Variants in ANKRD29 observed in about 807,000 individuals in gnomAD.
ANKRD29 encodes ankyrin repeat domain 29, also known as ankyrin repeat domain-containing protein 29.
In ANKRD29, 32 loss-of-function variants were observed where a neutral mutation model predicts 38.0. The ratio of observed to expected loss-of-function variants is 0.84; its 90% confidence interval spans 0.64 to 1.13. The LOEUF is 1.13. Among genes scored for constraint, ANKRD29 ranks in the 50% most tolerant of loss-of-function variants. The pLI, the probability that ANKRD29 is intolerant of heterozygous loss-of-function variation, is 0.00. For synonymous variants in ANKRD29, 135 were observed against 152.4 expected, an observed-to-expected ratio of 0.89 and a Z score of 0.84; for missense variants, 357 against 377.9, an observed-to-expected ratio of 0.94 and a Z score of 0.46.
chr18:23,632,189 A>G (rs1006915521), intron 5 of ANKRD29, among the ~76,000 whole-genome samples: 2 of 152,148 alleles, frequency 1.3e-5, no homozygotes, highest in African/African-American at 2.4e-5. Flanking sequence ...CGGAAAGTCT[A>G]CCATGTCCTT....
At chr18:23,601,420 C>T (rs2059510771) in intron 9 of ANKRD29, 111 bp from the exon 10 acceptor site, 1 of 751,260 alleles carries the variant, frequency 1.3e-6, no homozygotes, top group Non-Finnish European at 2.3e-6. Context: ...GAAAAAAATC[C>T]ACACTGGACT....
chr18:23,645,783 G>A (rs2060131119), intron 3 of ANKRD29, among the ~76,000 whole-genome samples: 1 of 152,138 alleles, frequency 6.6e-6, no homozygotes, highest in Non-Finnish European at 1.5e-5. Context: ...GGTTTGGGGA[G>A]GATGATTGAG....
intron 6 of ANKRD29, among the ~76,000 whole-genome samples, chr18:23,624,387 A>G (rs952550591): frequency 7.2e-6 from 1 of 138,968 alleles, no homozygotes; most frequent in African/African-American, 2.7e-5. Context: ...GAATCACTTG[A>G]GCCCGGGAGG....
chr18:23,657,247 A>G (rs2060296468), intron 1 of ANKRD29, among the ~76,000 whole-genome samples: 1 of 152,160 alleles, frequency 6.6e-6, no homozygotes, highest in Non-Finnish European at 1.5e-5. Flanking sequence ...GCTTCACTTT[A>G]CAAAACATCC....
chr18:23,630,967 C>CA (rs35627642), intron 5 of ANKRD29, among the ~76,000 whole-genome samples: 56,709 of 89,502 alleles, frequency 0.63, 16,911 homozygotes, highest in Admixed American at 0.7. Flanking sequence ...GACCCTGTCT[C>CA]AAAAAAAAAA....
chr18:23,639,859 G>C (rs1380217610), intron 3 of ANKRD29, among the ~76,000 whole-genome samples: 1 of 152,194 alleles, frequency 6.6e-6, no homozygotes. Context: ...AAAGTAGTCA[G>C]AGTTATAGAA....
chr18:23,604,586 A>G (rs1168375601), intron 9 of ANKRD29, among the ~76,000 whole-genome samples: 1 of 151,728 alleles, frequency 6.6e-6, no homozygotes, highest in African/African-American at 2.4e-5. Flanking sequence ...GCTGGACTGC[A>G]GTGGCGCAAT....
intron 5 of ANKRD29, among the ~76,000 whole-genome samples, chr18:23,631,871 G>C (rs2059937105): frequency 6.6e-6 from 1 of 152,166 alleles, no homozygotes; most frequent in Non-Finnish European, 1.5e-5. Flanking sequence ...GCTCCCTTCA[G>C]CCTGACAACA....
chr18:23,650,576 A>G (rs565151318), intron 1 of ANKRD29, among the ~76,000 whole-genome samples: 1 of 152,322 alleles, frequency 6.6e-6, no homozygotes, highest in East Asian at 1.9e-4. Context: ...AATAATTGAT[A>G]TGAGTTTGTA....
At chr18:23,612,527 CAAGGACAACACGT>C (rs1286842510) in intron 8 of ANKRD29, among the ~76,000 whole-genome samples, 1 of 152,206 alleles carries the variant, frequency 6.6e-6, no homozygotes, top group Non-Finnish European at 1.5e-5. Context: ...TTTTGTTCTT[CAAGGACAACACGT>C]AAGGACAACA....
intron 5 of ANKRD29, among the ~76,000 whole-genome samples, chr18:23,632,538 TA>T (rs1479722777): frequency 2.7e-5 from 4 of 148,310 alleles, no homozygotes; most frequent in Non-Finnish European, 5.9e-5. Context: ...TGTGTGTATA[TA>T]TATATATATT....
intron 9 of ANKRD29, among the ~76,000 whole-genome samples, chr18:23,607,030 A>G (rs2059583141): frequency 6.6e-6 from 1 of 152,182 alleles, no homozygotes; most frequent in Non-Finnish European, 1.5e-5. Context: ...ACTTGATCCT[A>G]GGTGAAACTT....
At chr18:23,660,398 G>T (rs944255011) in intron 1 of ANKRD29, among the ~76,000 whole-genome samples, 2 of 152,148 alleles carry the variant, frequency 1.3e-5, no homozygotes, top group Non-Finnish European at 2.9e-5. Context: ...GGCTTTATTT[G>T]TCTTTTTATT....
intron 9 of ANKRD29, among the ~76,000 whole-genome samples, chr18:23,601,725 A>C (rs2059514962): frequency 6.6e-6 from 1 of 152,100 alleles, no homozygotes; most frequent in Non-Finnish European, 1.5e-5. Flanking sequence ...GCTGGAGTGC[A>C]GTGTTGCAAT....
intron 6 of ANKRD29, among the ~76,000 whole-genome samples, chr18:23,622,561 A>G (rs1237272711): frequency 6.6e-6 from 1 of 152,110 alleles, no homozygotes; most frequent in Admixed American, 6.6e-5. Flanking sequence ...AAAATTATCT[A>G]TCTATCTACC....
rs572257268 is a variant in ANKRD29 at position 23,644,356 on chromosome 18, C to A, written c.231+1833G>T. Among the ~76,000 whole-genome samples the A allele has an allele frequency of 2.0e-5, 3 of 152,166 alleles. No homozygotes were observed. In the South Asian group the frequency reaches 6.2e-4, roughly 32 times the overall value. ...ATTGTTTTTATTAGAGAAAAACTGT[C>A]TTTAAAGTTGTAATAAACAAAGACC... On this transcript the variant is annotated intron_variant, in intron 3 of 9. Transcript: ENST00000592179.
chr18:23,631,693 A>G (rs2059934448), intron 5 of ANKRD29, among the ~76,000 whole-genome samples: 1 of 152,176 alleles, frequency 6.6e-6, no homozygotes, highest in South Asian at 2.1e-4. Context: ...TATAAACACA[A>G]AAAAGCACTC....
chr18:23,625,802 A>G (rs933928335), intron 6 of ANKRD29, among the ~76,000 whole-genome samples: 1 of 152,160 alleles, frequency 6.6e-6, no homozygotes, highest in Non-Finnish European at 1.5e-5. Context: ...CTATATCCCC[A>G]TAATTTCCAA....
intron 7 of ANKRD29, chr18:23,619,269 C>A: frequency 2.2e-6 from 1 of 451,218 alleles, no homozygotes. Context: ...CGGGAGGCCC[C>A]CAGGACAGGC....
Sources: gnomAD v4.1 joint callset for allele counts (sites outside exome capture counted in the v4.1 genomes callset) on GRCh38, gnomAD v4.1.1 for gene constraint, MANE v1.5 for transcripts, NCBI Gene and HGNC (gene_info 2026-07-23, HGNC 2026-07-21) for gene names.